Variants in CNTN5 observed in about 807,000 individuals in gnomAD.
The protein encoded by CNTN5 is contactin-5.
In CNTN5, 77 loss-of-function variants were observed where a neutral mutation model predicts 129.1. The ratio of observed to expected loss-of-function variants is 0.60; its 90% CI spans 0.50 to 0.72. The LOEUF is 0.72. Among genes scored for constraint, CNTN5 ranks in the 30% least tolerant of loss-of-function variants. The pLI, the probability that CNTN5 is intolerant of heterozygous loss-of-function variation, is 0.00. For synonymous variants in CNTN5, 509 were observed against 465.6 expected, an observed-to-expected ratio of 1.09 and a Z score of -1.20; for missense variants, 1,478 against 1,328.8, an observed-to-expected ratio of 1.11 and a Z score of -1.75.
chr11:99,973,792 A>G (rs12416988), intron 8 of CNTN5, among the ~76,000 whole-genome samples: 4,410 of 152,266 alleles, frequency 0.029, 196 homozygotes, highest in East Asian at 0.2. Context: ...TTCTAAAACT[A>G]CTTCTGGAAA....
intron 13 of CNTN5, among the ~76,000 whole-genome samples, chr11:100,188,788 T>G (rs531738848): frequency 6.6e-6 from 1 of 152,310 alleles, no homozygotes; most frequent in South Asian, 2.1e-4. Context: ...CATATGTTCA[T>G]TGTAGCACTA....
chr11:99,834,510 T>C (rs1031570521), intron 4 of CNTN5, among the ~76,000 whole-genome samples: 7 of 152,100 alleles, frequency 4.6e-5, no homozygotes, highest in African/African-American at 1.7e-4. Context: ...AGCAAGACCT[T>C]GTTTCAAGAA....
intron 13 of CNTN5, among the ~76,000 whole-genome samples, chr11:100,159,170 A>G (rs1224704147): frequency 6.6e-6 from 1 of 151,834 alleles, no homozygotes; most frequent in Non-Finnish European, 1.5e-5. Context: ...ATCATCACCA[A>G]AGTCAGACTG....
At chr11:100,228,237 G>A (rs1196950626) in intron 16 of CNTN5, among the ~76,000 whole-genome samples, 1 of 152,270 alleles carries the variant, frequency 6.6e-6, no homozygotes. Context: ...AATCTCTCGA[G>A]TCCTTCTGAA....
intron 7 of CNTN5, among the ~76,000 whole-genome samples, chr11:99,918,141 A>G (rs755522748): frequency 3.3e-5 from 5 of 151,656 alleles, no homozygotes; most frequent in Non-Finnish European, 7.4e-5. Flanking sequence ...ATTCTACTCC[A>G]CCTCCTTTGA....
intron 9 of CNTN5, among the ~76,000 whole-genome samples, chr11:100,042,095 G>T (rs1362520355): frequency 2.0e-5 from 3 of 152,226 alleles, no homozygotes; most frequent in African/African-American, 7.2e-5. Context: ...CTCAAGAAGG[G>T]CCCAAGCTTT....
At chr11:99,142,174 C>G (rs1019642908) in intron 1 of CNTN5, among the ~76,000 whole-genome samples, 9 of 152,068 alleles carry the variant, frequency 5.9e-5, no homozygotes, top group African/African-American at 2.2e-4. Context: ...TGAGGGTAAG[C>G]ACCTGTTGCA....
At chr11:100,164,325 T>G (rs937069658) in intron 13 of CNTN5, among the ~76,000 whole-genome samples, 1 of 151,876 alleles carries the variant, frequency 6.6e-6, no homozygotes, top group Non-Finnish European at 1.5e-5. Flanking sequence ...GTCCTTTGAA[T>G]TTTATTTAGC....
chr11:99,372,067 T>C (rs1373069471), intron 2 of CNTN5, among the ~76,000 whole-genome samples: 3 of 152,232 alleles, frequency 2.0e-5, no homozygotes, highest in African/African-American at 4.8e-5. Flanking sequence ...TTTCTATTTA[T>C]TGTTATGGAA....
At chr11:100,000,136 A>G in intron 8 of CNTN5, among the ~76,000 whole-genome samples, 1 of 152,054 alleles carries the variant, frequency 6.6e-6, no homozygotes, top group Non-Finnish European at 1.5e-5. Flanking sequence ...GTGCACATGT[A>G]TCCTAAAACT....
At chr11:99,039,197 C>A (rs541040159) in intron 1 of CNTN5, among the ~76,000 whole-genome samples, 1 of 152,088 alleles carries the variant, frequency 6.6e-6, no homozygotes, top group South Asian at 2.1e-4. Flanking sequence ...ATGTTGTAGA[C>A]CAAAATGAAG....
At chr11:99,131,208 A>C (rs1858915746) in intron 1 of CNTN5, among the ~76,000 whole-genome samples, 1 of 126,714 alleles carries the variant, frequency 7.9e-6, no homozygotes, top group African/African-American at 3.0e-5. Flanking sequence ...AGATTGCACC[A>C]CTGCACTCCA....
At chr11:100,307,075 G>A (rs1021595560) in intron 20 of CNTN5, among the ~76,000 whole-genome samples, 1 of 151,554 alleles carries the variant, frequency 6.6e-6, no homozygotes, top group Non-Finnish European at 1.5e-5. Flanking sequence ...AGATATTTTT[G>A]ACTGATATAT....
chr11:99,590,030 T>A (rs186582209), intron 3 of CNTN5, among the ~76,000 whole-genome samples: 1 of 152,224 alleles, frequency 6.6e-6, no homozygotes, highest in Admixed American at 6.5e-5. Flanking sequence ...GTATAGCCAG[T>A]CCTTGAGAGA....
At chr11:99,308,888 T>C (rs914290408) in intron 1 of CNTN5, among the ~76,000 whole-genome samples, 2 of 152,204 alleles carry the variant, frequency 1.3e-5, no homozygotes, top group Admixed American at 1.3e-4. Context: ...TTCAAATGTA[T>C]TGATATCATC....
At chr11:100,031,501 A>T (rs1242711521) in intron 9 of CNTN5, among the ~76,000 whole-genome samples, 1 of 152,190 alleles carries the variant, frequency 6.6e-6, no homozygotes, top group African/African-American at 2.4e-5. Context: ...CAGATAAGAT[A>T]GGGCTATAAA....
At chr11:99,709,166 G>A (rs1246579696) in intron 3 of CNTN5, among the ~76,000 whole-genome samples, 1 of 151,764 alleles carries the variant, frequency 6.6e-6, no homozygotes, top group African/African-American at 2.4e-5. Flanking sequence ...TACTTTATTT[G>A]TTTAAAATGT....
chr11:99,879,182 C>T (rs1017299043), intron 6 of CNTN5, among the ~76,000 whole-genome samples: 2 of 152,038 alleles, frequency 1.3e-5, no homozygotes, highest in African/African-American at 4.8e-5. Flanking sequence ...AGGTGATCCA[C>T]CCACCTCGGC....
chr11:99,185,223 G>A (rs1351114516), intron 1 of CNTN5, among the ~76,000 whole-genome samples: 4 of 151,660 alleles, frequency 2.6e-5, no homozygotes, highest in African/African-American at 9.7e-5. Context: ...GGTGAGCATA[G>A]GAAGAGATGA....
Sources: gnomAD v4.1 joint callset for allele counts (sites outside exome capture counted in the v4.1 genomes callset) on GRCh38, gnomAD v4.1.1 for gene constraint, MANE v1.5 for transcripts, NCBI Gene and HGNC (gene_info 2026-07-23, HGNC 2026-07-21) for gene names.